The following GRIN2A variants were observed in gnomAD, a reference collection of about 807,000 sequenced individuals.
The protein encoded by GRIN2A is glutamate ionotropic receptor NMDA type subunit 2A.
Under a neutral mutation model 113.4 loss-of-function variants are expected in GRIN2A, and 22 were observed. The observed-to-expected ratio is 0.19, with a 90% CI of 0.14 to 0.28. The LOEUF is 0.28. Among genes scored for constraint, GRIN2A ranks in the 10% least tolerant of loss-of-function variants. The pLI, the probability that GRIN2A is intolerant of heterozygous loss-of-function variation, is 1.00. For synonymous variants in GRIN2A, 827 were observed against 738.4 expected, an observed-to-expected ratio of 1.12 and a Z score of -1.94; for missense variants, 1,502 against 1,887.0, an observed-to-expected ratio of 0.80 and a Z score of 3.78.
At chr16:9,925,677 A>G (rs1275154044) in intron 3 of GRIN2A, among the ~76,000 whole-genome samples, 2 of 152,086 alleles carry the variant, frequency 1.3e-5, no homozygotes, top group South Asian at 2.1e-4. Flanking sequence ...CTTTTCCCCA[A>G]TATTCAGGGT....
intron 7 of GRIN2A, among the ~76,000 whole-genome samples, chr16:9,840,050 A>G (rs550312477): frequency 2.4e-4 from 36 of 152,302 alleles, no homozygotes; most frequent in African/African-American, 8.7e-4. Context: ...CCCAGGAGGC[A>G]GAGGCCGCAG....
At chr16:9,992,580 G>C (rs1198473647) in intron 2 of GRIN2A, among the ~76,000 whole-genome samples, 1 of 152,228 alleles carries the variant, frequency 6.6e-6, no homozygotes, top group Non-Finnish European at 1.5e-5. Context: ...GCAAGGAACA[G>C]GACCAACTAA....
intron 11 of GRIN2A, among the ~76,000 whole-genome samples, chr16:9,780,397 C>T (rs189452681): frequency 8.6e-5 from 13 of 151,864 alleles, no homozygotes; most frequent in South Asian, 2.1e-4. Context: ...CACCCAGCAA[C>T]GAAAAAAAAT....
At position 9,758,123 on chromosome 16, in the gene GRIN2A, TA is replaced by T; in HGVS notation, c.*5025del. On this transcript the variant is annotated 3_prime_UTR_variant, in exon 13 of 13. Coordinates refer to ENST00000330684, the MANE Select transcript of GRIN2A (RefSeq NM_001134407.3). The stretch of plus-strand genomic sequence containing the variant: ...TTTCTCATCTCTCCTCCCCTTCTCC[TA>T]ACTTTTGGTGTGGTTCTACGAACTC... The T allele has an allele frequency of 4.7e-6, 1 of 214,594 alleles. No individual in the cohort carries two copies. Among genetic ancestry groups the T allele is most frequent in the Non-Finnish European group, 9.4e-6 (1 of 106,258 alleles). 13.3% of individuals were successfully genotyped at this position (214,594 alleles called of 1,614,324 possible).
chr16:10,034,694 A>G (rs2046993544), intron 2 of GRIN2A, among the ~76,000 whole-genome samples: 1 of 152,008 alleles, frequency 6.6e-6, no homozygotes, highest in South Asian at 2.1e-4. Context: ...TGGTCTATCT[A>G]TTCAGGAGAC....
At chr16:9,926,056 C>A (rs1269606721) in intron 3 of GRIN2A, among the ~76,000 whole-genome samples, 1 of 152,128 alleles carries the variant, frequency 6.6e-6, no homozygotes, top group African/African-American at 2.4e-5. Context: ...ACTGCACACC[C>A]CACCAGAGCA....
At chr16:9,983,719 G>A (rs1273681032) in intron 2 of GRIN2A, among the ~76,000 whole-genome samples, 2 of 152,286 alleles carry the variant, frequency 1.3e-5, no homozygotes, top group East Asian at 3.9e-4. Flanking sequence ...GATTACAGGT[G>A]TGAGCCACCG....
At chr16:10,055,748 T>C (rs2047447677) in intron 2 of GRIN2A, among the ~76,000 whole-genome samples, 1 of 152,134 alleles carries the variant, frequency 6.6e-6, no homozygotes, top group South Asian at 2.1e-4. Context: ...TAGCCCAAAT[T>C]TAGGATCACC....
At chr16:10,124,519 G>C (rs912317259) in intron 2 of GRIN2A, among the ~76,000 whole-genome samples, 9 of 152,138 alleles carry the variant, frequency 5.9e-5, no homozygotes, top group African/African-American at 1.9e-4. Flanking sequence ...GGATTCCTTG[G>C]TGCTTGGGTA....
chr16:10,016,556 C>A (rs1464357116), intron 2 of GRIN2A, among the ~76,000 whole-genome samples: 1 of 152,100 alleles, frequency 6.6e-6, no homozygotes, highest in Non-Finnish European at 1.5e-5. Flanking sequence ...GGGCAGGGAG[C>A]CCTGTGCCTC....
chr16:9,775,413 A>G (rs933519359), intron 11 of GRIN2A, among the ~76,000 whole-genome samples: 3 of 152,176 alleles, frequency 2.0e-5, no homozygotes, highest in African/African-American at 2.4e-5. Context: ...AAATTTGTAA[A>G]GCACTTAACA....
At position 10,180,822 on chromosome 16, in the gene GRIN2A, C is replaced by T; in HGVS notation, c.-18-393G>A. On this transcript the variant is annotated intron_variant, in intron 1 of 12. Coordinates refer to ENST00000330684, the MANE Select transcript of GRIN2A (RefSeq NM_001134407.3). The surrounding 1 kb of genome is among the most constrained non-coding windows in gnomAD (Gnocchi z 7.0). ...TCCTAGGTGCACAGAATAAACCCTC[C>T]ATCCAACCCCTCCCACCTGGGATAG... 3.5e-6 allele frequency: 1 copy of T among 282,398 alleles called. No individual in the cohort carries two copies. Among genetic ancestry groups the T allele is most frequent in the South Asian group, 4.6e-5 (1 of 21,574 alleles). The allele number at this position is 282,398 out of a possible 1,614,324, so 17.5% of individuals were successfully genotyped here. A position where few individuals can be genotyped will look rare whatever the true frequency, so the allele number is the denominator to read the frequency against.
chr16:9,906,762 C>G (rs1321074916), intron 3 of GRIN2A, among the ~76,000 whole-genome samples: 2 of 152,182 alleles, frequency 1.3e-5, no homozygotes, highest in Non-Finnish European at 2.9e-5. Context: ...GTTGAATGGA[C>G]CAATAAATCA....
At chr16:10,072,001 C>T (rs1030066036) in intron 2 of GRIN2A, among the ~76,000 whole-genome samples, 2 of 152,160 alleles carry the variant, frequency 1.3e-5, no homozygotes, top group Non-Finnish European at 2.9e-5. Flanking sequence ...TTCCAAAGCC[C>T]ACACTCTTGG....
intron 2 of GRIN2A, among the ~76,000 whole-genome samples, chr16:9,950,857 G>T (rs1004554435): frequency 6.6e-6 from 1 of 152,212 alleles, no homozygotes; most frequent in Non-Finnish European, 1.5e-5. Flanking sequence ...ATGAGCTCAT[G>T]TACAGTAGCT....
intron 2 of GRIN2A, among the ~76,000 whole-genome samples, chr16:10,134,914 A>G (rs1245295979): frequency 7.1e-6 from 1 of 141,318 alleles, no homozygotes; most frequent in Admixed American, 7.5e-5. Context: ...GAATACTGGG[A>G]CTTTTTATCT....
chr16:10,162,745 C>T (rs578246268), intron 2 of GRIN2A, among the ~76,000 whole-genome samples: 39 of 152,328 alleles, frequency 2.6e-4, no homozygotes, highest in Non-Finnish European at 4.4e-4. Flanking sequence ...CAATATATGA[C>T]TTTTAGGGAG....
intron 11 of GRIN2A, among the ~76,000 whole-genome samples, chr16:9,793,467 G>T (rs1902749921): frequency 6.6e-6 from 1 of 152,028 alleles, no homozygotes; most frequent in African/African-American, 2.4e-5. Flanking sequence ...TTCAAAGCCA[G>T]AAATGCCATT....
chr16:10,097,512 G>C (rs927592501), intron 2 of GRIN2A, among the ~76,000 whole-genome samples: 2 of 152,160 alleles, frequency 1.3e-5, no homozygotes, highest in African/African-American at 2.4e-5. Context: ...AGTTTCATTA[G>C]AGGGGCTGGC....
Sources: allele counts gnomAD v4.1 joint callset (sites outside exome capture counted in the v4.1 genomes callset), GRCh38; gene constraint gnomAD v4.1.1; non-coding constraint Gnocchi (gnomAD v3.1); transcripts MANE v1.5; gene names NCBI Gene and HGNC (gene_info 2026-07-23, HGNC 2026-07-21).